IL1R1: variants seen among roughly 807,000 people sequenced by gnomAD.
IL1R1 encodes interleukin 1 receptor type 1.
A neutral mutation model predicts 50.2 loss-of-function variants in IL1R1; 22 were observed. The ratio of observed to expected loss-of-function variants is 0.44; its 90% CI spans 0.31 to 0.63. The LOEUF is 0.63. Among genes scored for constraint, IL1R1 ranks in the 20% least tolerant of loss-of-function variants. The pLI is 0.07. For missense variants in IL1R1, 509 were observed against 676.2 expected (o/e 0.75, Z 2.74); for synonymous variants, 251 against 236.7 (o/e 1.06, Z -0.55).
chr2:102,114,189 A>G (rs118059906), intron 1 of IL1R1, among the ~76,000 whole-genome samples: 2 of 152,350 alleles, frequency 1.3e-5, no homozygotes, highest in East Asian at 3.9e-4. Flanking sequence ...GATTACTGAA[A>G]TGATCAGTAT....
At chr2:102,079,489 TCTA>T (rs1166213845) in intron 1 of IL1R1, among the ~76,000 whole-genome samples, 4 of 152,060 alleles carry the variant, frequency 2.6e-5, no homozygotes, top group Non-Finnish European at 5.9e-5. Flanking sequence ...AGAAAACAAT[TCTA>T]CTTACAATAG....
upstream of IL1R1, among the ~76,000 whole-genome samples, chr2:102,100,279 A>G (rs1208659411): frequency 6.6e-6 from 1 of 151,924 alleles, no homozygotes; most frequent in African/African-American, 2.4e-5. Context: ...TGTACTCTCC[A>G]CAATTGAAGA....
intron 1 of IL1R1, among the ~76,000 whole-genome samples, chr2:102,135,647 G>A (rs569975149): frequency 1.3e-5 from 2 of 152,242 alleles, no homozygotes; most frequent in Non-Finnish European, 2.9e-5. Context: ...GCTCGAGTAC[G>A]GATTTAAAAC....
chr2:102,119,589 T>C (rs1681290141), intron 1 of IL1R1, among the ~76,000 whole-genome samples: 1 of 152,218 alleles, frequency 6.6e-6, no homozygotes, highest in African/African-American at 2.4e-5. Flanking sequence ...AAAAGTTACA[T>C]AAGAACCGCA....
At chr2:102,163,708 A>AT (rs1684924709) in intron 3 of IL1R1, among the ~76,000 whole-genome samples, 1 of 151,908 alleles carries the variant, frequency 6.6e-6, no homozygotes, top group African/African-American at 2.4e-5. Flanking sequence ...TGACTGATCG[A>AT]TTTTTTTCCT....
At chr2:102,129,440 A>C (rs1681910001) in intron 1 of IL1R1, among the ~76,000 whole-genome samples, 1 of 152,210 alleles carries the variant, frequency 6.6e-6, no homozygotes, top group African/African-American at 2.4e-5. Flanking sequence ...TTCCTACATA[A>C]GGGCCAATTA....
chr2:102,161,719 G>A (rs1012796629), intron 3 of IL1R1, among the ~76,000 whole-genome samples: 1 of 151,216 alleles, frequency 6.6e-6, no homozygotes, highest in Non-Finnish European at 1.5e-5. Context: ...TCATTTTTGG[G>A]ACAAAAGTCT....
chr2:102,126,972 A>C (rs1442015969), intron 1 of IL1R1, among the ~76,000 whole-genome samples: 1 of 152,178 alleles, frequency 6.6e-6, no homozygotes. Flanking sequence ...TTTAATGCAG[A>C]GGCCCCCTTG....
intron 1 of IL1R1, among the ~76,000 whole-genome samples, chr2:102,107,002 T>A (rs753787534): frequency 1.3e-5 from 2 of 152,118 alleles, no homozygotes; most frequent in Non-Finnish European, 2.9e-5. Flanking sequence ...TTGAGATAAA[T>A]CCCCAGAGGT....
At chr2:102,107,776 T>C (rs760403295) in intron 1 of IL1R1, among the ~76,000 whole-genome samples, 5 of 152,218 alleles carry the variant, frequency 3.3e-5, no homozygotes, top group Non-Finnish European at 5.9e-5. Context: ...CTCTCGTCTT[T>C]TTTGGTTACT....
At chr2:102,077,686 T>G (rs1273400951) in intron 1 of IL1R1, among the ~76,000 whole-genome samples, 2 of 152,240 alleles carry the variant, frequency 1.3e-5, no homozygotes, top group Non-Finnish European at 2.9e-5. Flanking sequence ...TAATTTTTTA[T>G]TGGATCGTAG....
At chr2:102,098,177 C>A (rs2104329930) in intron 1 of IL1R1, among the ~76,000 whole-genome samples, 1 of 152,018 alleles carries the variant, frequency 6.6e-6, no homozygotes, top group East Asian at 1.9e-4. Flanking sequence ...TTAATAGATG[C>A]AAAAATAGTT....
intron 1 of IL1R1, among the ~76,000 whole-genome samples, chr2:102,097,663 A>G (rs1263149635): frequency 6.6e-6 from 1 of 152,252 alleles, no homozygotes; most frequent in East Asian, 1.9e-4. Context: ...TCCAAGAAAA[A>G]CATAATGTAT....
intron 1 of IL1R1, among the ~76,000 whole-genome samples, chr2:102,108,437 C>G (rs894784759): frequency 1.3e-5 from 2 of 152,158 alleles, no homozygotes; most frequent in African/African-American, 4.8e-5. Context: ...GGGCTTTGCT[C>G]AGCTCCCCAG....
chr2:102,158,705 G>A (rs912076487), intron 3 of IL1R1, among the ~76,000 whole-genome samples: 8 of 152,146 alleles, frequency 5.3e-5, no homozygotes, highest in Admixed American at 1.3e-4. Context: ...GGAATGTTGT[G>A]CCCTTTTTTA....
At chr2:102,133,596 G>A (rs1369307845) in intron 1 of IL1R1, among the ~76,000 whole-genome samples, 2 of 152,152 alleles carry the variant, frequency 1.3e-5, no homozygotes, top group Non-Finnish European at 1.5e-5. Flanking sequence ...ATGTAAGATT[G>A]GCTTAGCATT....
At chr2:102,153,117 G>A (rs1182886117) in intron 1 of IL1R1, among the ~76,000 whole-genome samples, 1 of 152,174 alleles carries the variant, frequency 6.6e-6, no homozygotes, top group Non-Finnish European at 1.5e-5. Flanking sequence ...TTAAATTAAT[G>A]TGATATGGGG....
upstream of IL1R1, among the ~76,000 whole-genome samples, chr2:102,138,100 T>C (rs1682443236): frequency 6.6e-6 from 1 of 152,196 alleles, no homozygotes; most frequent in Admixed American, 6.5e-5. Context: ...CAGGCACTTC[T>C]TGGATGATGG....
intron 1 of IL1R1, among the ~76,000 whole-genome samples, chr2:102,078,682 A>G (rs1679083653): frequency 6.6e-6 from 1 of 152,088 alleles, no homozygotes; most frequent in Non-Finnish European, 1.5e-5. Context: ...ATGAGCAGCA[A>G]TCCTTCAGAA....
Sources: gnomAD v4.1 joint callset for allele counts (sites outside exome capture counted in the v4.1 genomes callset) on GRCh38, gnomAD v4.1.1 for gene constraint, MANE v1.5 for transcripts, NCBI Gene and HGNC (gene_info 2026-07-23, HGNC 2026-07-21) for gene names.